THNSL1: variants seen among roughly 807,000 people sequenced by gnomAD.
The protein encoded by THNSL1 is threonine synthase like 1.
Under a neutral mutation model 50.4 loss-of-function variants are expected in THNSL1, and 48 were observed. The ratio of observed to expected loss-of-function variants is 0.95; its 90% CI spans 0.76 to 1.21. THNSL1 has a LOEUF of 1.21. Among genes scored for constraint, THNSL1 ranks in the 50% most tolerant of loss-of-function variants. The pLI, the probability that THNSL1 is intolerant of heterozygous loss-of-function variation, is 0.00. For missense variants in THNSL1, 896 were observed against 871.7 expected (o/e 1.03, Z -0.35); for synonymous variants, 309 against 306.1 (o/e 1.01, Z -0.10).
At chr10:24,961,459 T>A in the THNSL1 span, among the ~76,000 whole-genome samples, 1 of 152,308 alleles carries the variant, frequency 6.6e-6, no homozygotes, top group African/African-American at 2.4e-5. Flanking sequence ...AGAAATGGAA[T>A]TTCTAAGTTA....
chr10:24,968,319 T>C, the THNSL1 span, among the ~76,000 whole-genome samples: 3 of 152,132 alleles, frequency 2.0e-5, no homozygotes, highest in African/African-American at 7.2e-5. Context: ...AGCCTACCCA[T>C]TGTGAGGTGC....
At chr10:24,953,081 G>A in the THNSL1 span, among the ~76,000 whole-genome samples, 1 of 151,996 alleles carries the variant, frequency 6.6e-6, no homozygotes, top group African/African-American at 2.4e-5. Flanking sequence ...AAGCAGAAGC[G>A]TGAAAGAGCC....
chr10:24,962,307 T>C, the THNSL1 span, among the ~76,000 whole-genome samples: 1 of 152,220 alleles, frequency 6.6e-6, no homozygotes, highest in Non-Finnish European at 1.5e-5. Flanking sequence ...TGATGGGTTC[T>C]GAATTAAGAG....
At chr10:25,008,529 G>A in the THNSL1 span, among the ~76,000 whole-genome samples, 1 of 152,320 alleles carries the variant, frequency 6.6e-6, no homozygotes, top group East Asian at 1.9e-4. Flanking sequence ...GAATAAAGCA[G>A]AAAGTAGTCC....
chr10:24,958,961 T>C, the THNSL1 span, among the ~76,000 whole-genome samples: 1 of 152,138 alleles, frequency 6.6e-6, no homozygotes, highest in Non-Finnish European at 1.5e-5. Context: ...AAAGCAGTCA[T>C]TGAAAGGACA....
At chr10:24,984,898 T>A in the THNSL1 span, 19 of 1,611,750 alleles carry the variant, frequency 1.2e-5, no homozygotes, top group Non-Finnish European at 1.6e-5. Context: ...CCAGTTCTTT[T>A]TCAGCCCCTG....
chr10:25,006,492 G>A, the THNSL1 span, among the ~76,000 whole-genome samples: 558 of 152,072 alleles, frequency 3.7e-3, 2 homozygotes, highest in Middle Eastern at 0.02. Context: ...TTCCTTGATG[G>A]GCTGGCTGCT....
At chr10:24,988,138 C>G in the THNSL1 span, among the ~76,000 whole-genome samples, 1 of 150,986 alleles carries the variant, frequency 6.6e-6, no homozygotes, top group Admixed American at 6.6e-5. Context: ...GCATGAGAAT[C>G]ATTTGAACTT....
chr10:24,986,241 C>A, the THNSL1 span, among the ~76,000 whole-genome samples: 2 of 152,034 alleles, frequency 1.3e-5, no homozygotes, highest in African/African-American at 4.8e-5. Context: ...CTTTCAGGGA[C>A]AATACAATTT....
chr10:24,956,920 G>A, the THNSL1 span, among the ~76,000 whole-genome samples: 5 of 152,146 alleles, frequency 3.3e-5, no homozygotes, highest in South Asian at 8.3e-4. Context: ...ACCGCACATG[G>A]GAGGGATCTA....
chr10:25,007,603 T>A, the THNSL1 span, among the ~76,000 whole-genome samples: 1 of 151,972 alleles, frequency 6.6e-6, no homozygotes, highest in Non-Finnish European at 1.5e-5. Context: ...CCCGGGTAAT[T>A]TTTTGTATTT....
Position 25,024,631 on chromosome 10 carries a change from T to A in THNSL1, c.1408T>A (p.Ser470Thr). ...TGGAACAATCTTAAGTTCGGCTAACTCCATAAACTGGGGCCGACTACTTCC... is the reference window on the plus strand; with the variant it reads ...TGGAACAATCTTAAGTTCGGCTAACACCATAAACTGGGGCCGACTACTTCC... ...EYGTILSSAN[S>T]INWGRLLPQV... Residue 470 changes from serine (S) to threonine (T), a missense_variant, in exon 3 of 3, where the codon TCC (serine) becomes ACC (threonine). Transcript: ENST00000376356. The A allele has an allele frequency of 6.2e-7, 1 of 1,614,230 alleles. No homozygotes were observed. Among genetic ancestry groups the A allele is most frequent in the Non-Finnish European group, 8.5e-7 (1 of 1,180,042 alleles).
chr10:24,983,125 T>C, the THNSL1 span: 1 of 152,214 alleles, frequency 6.6e-6, no homozygotes, highest in African/African-American at 2.4e-5. Flanking sequence ...GGTCCCTGAG[T>C]GACTGCATGG....
chr10:25,025,618 CA>C lies in THNSL1; in HGVS notation c.*164del. ...TAGGGCTGACATGAGAACTCCATGT[CA>C]CCTCCTCAGATCTTTAATCTGGAAG... On this transcript the variant is annotated 3_prime_UTR_variant, in exon 3 of 3. Transcript: ENST00000376356. The C allele has an allele frequency of 3.1e-6, 2 of 655,598 alleles. No individual in the cohort carries two copies. The allele number at this position is 655,598 out of a possible 1,614,324, so 40.6% of individuals were successfully genotyped here. A position where few individuals can be genotyped will look rare whatever the true frequency, so the allele number is the denominator to read the frequency against.
the THNSL1 span, among the ~76,000 whole-genome samples, chr10:24,988,238 ATATATATATATATGTGTATATATATATT>A: frequency 6.9e-6 from 1 of 145,544 alleles, no homozygotes; most frequent in Admixed American, 7.0e-5. Context: ...AAAAATGTAT[ATATATATATATATGTGTATATATATATT>A]TATATATATG....
Position 25,023,912 on chromosome 10 carries a change from C to T in THNSL1, c.689C>T (p.Thr230Ile), listed in dbSNP as rs763463504. The change falls in exon 3 of 3, where the codon ACA becomes ATA. Residue 230 changes from threonine (T) to isoleucine (I), a missense_variant. Physicochemically the swap from Thr to Ile is moderately conservative, Grantham distance 89 (BLOSUM62 -1). Coordinates refer to ENST00000376356, the MANE Select transcript of THNSL1 (RefSeq NM_024838.5). ...IKRYQDVDSETFISTRHVWPE... is the reference protein window; with the variant it reads ...IKRYQDVDSEIFISTRHVWPE... ...AGATACCAAGATGTGGACTCGGAAA[C>T]ATTCATTTCAACAAGACACGTTTGG... is the stretch of plus-strand genomic sequence containing the variant. 5 of 1,614,172 alleles carry T rather than the reference C, an allele frequency of 3.1e-6. No homozygotes were observed. In the East Asian group the frequency reaches 8.9e-5, roughly 29 times the overall value.
the THNSL1 span, among the ~76,000 whole-genome samples, chr10:24,954,423 T>A: frequency 6.6e-6 from 1 of 152,018 alleles, no homozygotes; most frequent in Non-Finnish European, 1.5e-5. Flanking sequence ...AGGGCCAGAT[T>A]GGGGGGTACC....
At chr10:25,006,744 C>G in the THNSL1 span, among the ~76,000 whole-genome samples, 1 of 152,018 alleles carries the variant, frequency 6.6e-6, no homozygotes, top group African/African-American at 2.4e-5. Flanking sequence ...GTTACTGAAG[C>G]AAAAAGGACT....
chr10:24,967,040 C>T, the THNSL1 span, among the ~76,000 whole-genome samples: 1 of 152,020 alleles, frequency 6.6e-6, no homozygotes, highest in Non-Finnish European at 1.5e-5. Context: ...AGATTTACTG[C>T]CAGTTATGAA....
Sources: gnomAD v4.1 joint callset for allele counts (sites outside exome capture counted in the v4.1 genomes callset) on GRCh38, gnomAD v4.1.1 for gene constraint, MANE v1.5 for transcripts, NCBI Gene and HGNC (gene_info 2026-07-23, HGNC 2026-07-21) for gene names.